The following FAM13A variants were observed in gnomAD, a reference collection of about 807,000 sequenced individuals.
FAM13A encodes the protein protein FAM13A.
Under a neutral mutation model 129.6 loss-of-function variants are expected in FAM13A, and 76 were observed. That is an observed-to-expected ratio of 0.59 (90% CI 0.49 to 0.71). The LOEUF (loss-of-function observed/expected upper bound fraction) is 0.71, where lower values mean the gene tolerates loss of function less well. Ranked by LOEUF, FAM13A falls within the 30% of genes least tolerant of loss-of-function variation. FAM13A has a pLI of 0.00. For synonymous variants in FAM13A, 443 were observed against 449.9 expected, an observed-to-expected ratio of 0.98 and a Z score of 0.20; for missense variants, 1,108 against 1,249.3, an observed-to-expected ratio of 0.89 and a Z score of 1.70.
chr4:89,042,220 T>C (rs1770241076), intron 1 of FAM13A, among the ~76,000 whole-genome samples: 1 of 152,002 alleles, frequency 6.6e-6, no homozygotes, highest in African/African-American at 2.4e-5. Context: ...CCAATAGCCA[T>C]GCTGTAATTA....
intron 1 of FAM13A, among the ~76,000 whole-genome samples, chr4:89,030,075 A>G (rs1768488159): frequency 6.6e-6 from 1 of 152,110 alleles, no homozygotes; most frequent in Non-Finnish European, 1.5e-5. Flanking sequence ...GCTTTAATTT[A>G]AAGTGTCAGA....
At chr4:88,744,994 G>A (rs916089284) in intron 19 of FAM13A, among the ~76,000 whole-genome samples, 3 of 152,160 alleles carry the variant, frequency 2.0e-5, no homozygotes, top group Non-Finnish European at 4.4e-5. Flanking sequence ...GCTATGAAAT[G>A]CACATTCTTT....
chr4:89,041,512 AC>A (rs769520226), intron 1 of FAM13A, among the ~76,000 whole-genome samples: 4 of 152,216 alleles, frequency 2.6e-5, no homozygotes, highest in Non-Finnish European at 5.9e-5. Flanking sequence ...CAATAATGGA[AC>A]ACTAGGCATA....
intron 4 of FAM13A, among the ~76,000 whole-genome samples, chr4:88,957,503 G>A (rs1252150856): frequency 6.6e-6 from 1 of 152,072 alleles, no homozygotes; most frequent in Admixed American, 6.5e-5. Context: ...ATAAATTACC[G>A]AGTCTCGGAT....
intron 8 of FAM13A, 143 bp downstream of exon 8, chr4:88,804,868 A>G: frequency 1.6e-6 from 1 of 626,450 alleles, no homozygotes; most frequent in Non-Finnish European, 2.9e-6. Flanking sequence ...GGGAAAATAC[A>G]GTAAGGTGAA....
At chr4:88,924,000 C>T (rs556194322) in intron 5 of FAM13A, among the ~76,000 whole-genome samples, 272 of 152,152 alleles carry the variant, frequency 1.8e-3, no homozygotes, top group African/African-American at 5.9e-3. Context: ...TTACAAAGGA[C>T]GTGAAGGACC....
At chr4:88,788,379 G>A (rs1165092114) in intron 9 of FAM13A, among the ~76,000 whole-genome samples, 6 of 152,066 alleles carry the variant, frequency 3.9e-5, no homozygotes, top group Non-Finnish European at 5.9e-5. Context: ...ATTTTATGAT[G>A]CCTATTATCT....
intron 1 of FAM13A, among the ~76,000 whole-genome samples, chr4:89,055,417 T>C (rs961321390): frequency 6.6e-5 from 10 of 152,300 alleles, no homozygotes; most frequent in African/African-American, 2.2e-4. Context: ...GTGATTTTTA[T>C]GTCAACTTTA....
intron 7 of FAM13A, among the ~76,000 whole-genome samples, chr4:88,831,241 A>T (rs1733841300): frequency 6.6e-6 from 1 of 152,186 alleles, no homozygotes; most frequent in African/African-American, 2.4e-5. Context: ...GAGTCCGGAT[A>T]ATAGTGTTTC....
At chr4:88,751,606 ATC>A (rs1742632992) in intron 14 of FAM13A, among the ~76,000 whole-genome samples, 1 of 50,258 alleles carries the variant, frequency 2.0e-5, no homozygotes, top group Admixed American at 3.4e-4. Context: ...AGTTTAGATA[ATC>A]TGTTAAAAAA....
chr4:88,858,411 T>C lies in FAM13A; in HGVS notation c.844-7228A>G, dbSNP rs527932006. On this transcript the variant is annotated intron_variant, in intron 6 of 23. Transcript: ENST00000264344. ...TTTAACAAATTTTCATTCTGTTACA[T>C]AAAATTTTGCAGTAAAACATTTCAT... is the stretch of plus-strand genomic sequence containing the variant. Among the ~76,000 whole-genome samples the C allele has an allele frequency of 5.0e-4, 76 of 152,348 alleles. 2 individuals are homozygous for C. In the South Asian group the frequency reaches 0.015, roughly 30 times the overall value.
In FAM13A at chr4:88,792,793, C is replaced by T. The variant is rs567128428; in HGVS notation, c.1050-2166G>A. Among the ~76,000 whole-genome samples, 3 of 152,162 alleles carry T rather than the reference C, an allele frequency of 2.0e-5. No individual in the cohort carries two copies. In the South Asian group the frequency reaches 6.2e-4, roughly 32 times the overall value. On this transcript the variant is annotated intron_variant, in intron 8 of 23. Transcript: ENST00000264344. ...AGAATGAAGACATGTATTTCCTCTC[C>T]TCCTTTCCACATCCTTTTGAACTGT...
chr4:88,749,160 C>T (rs533019815), intron 16 of FAM13A, 127 bp from the exon 17 acceptor site: 29 of 729,566 alleles, frequency 4.0e-5, no homozygotes, highest in South Asian at 9.1e-5. Flanking sequence ...AAATTAAACA[C>T]GACCAATCAG....
At chr4:88,838,922 TCTA>T (rs1192028494) in intron 7 of FAM13A, among the ~76,000 whole-genome samples, 2 of 152,172 alleles carry the variant, frequency 1.3e-5, no homozygotes, top group Admixed American at 1.3e-4. Context: ...TACACTTACT[TCTA>T]CTATTGTGAA....
intron 1 of FAM13A, among the ~76,000 whole-genome samples, chr4:89,047,185 C>T (rs1374929616): frequency 6.6e-6 from 1 of 152,126 alleles, no homozygotes; most frequent in Non-Finnish European, 1.5e-5. Flanking sequence ...CTATAAAACT[C>T]ATGTCAAGCA....
chr4:88,787,969 A>C, intron 9 of FAM13A, 37 bp from the exon 10 acceptor site: 1 of 1,555,380 alleles, frequency 6.4e-7, no homozygotes, highest in South Asian at 1.2e-5. Context: ...CAAGCAGTCA[A>C]GTTCATCAGT....
intron 3 of FAM13A, among the ~76,000 whole-genome samples, chr4:88,993,260 G>A (rs1163617350): frequency 6.6e-6 from 1 of 152,214 alleles, no homozygotes; most frequent in East Asian, 1.9e-4. Context: ...CATTTCTCAT[G>A]CCTTTATATT....
rs560904864 is a variant in FAM13A at position 88,794,595 on chromosome 4, G to T, written c.1050-3968C>A. 7.2e-5 allele frequency among the ~76,000 whole-genome samples: 11 copies of T among 151,926 alleles called. No homozygotes were observed. In the South Asian group the frequency reaches 2.3e-3, roughly 31 times the overall value. ...TTGAAAAGCATGTGTTCTCTTTTCT[G>T]TGCGTTGTCTTATTTCAGTATGTTC... On this transcript the variant is annotated intron_variant, in intron 8 of 23. Transcript: ENST00000264344.
intron 3 of FAM13A, among the ~76,000 whole-genome samples, chr4:88,992,176 A>G (rs1258810891): frequency 3.9e-5 from 6 of 152,178 alleles, no homozygotes; most frequent in African/African-American, 1.4e-4. Context: ...CAAAACCCCA[A>G]ATGCAGTAGT....
Sources: allele counts gnomAD v4.1 joint callset (sites outside exome capture counted in the v4.1 genomes callset), GRCh38; gene constraint gnomAD v4.1.1; transcripts MANE v1.5; gene names NCBI Gene and HGNC (gene_info 2026-07-23, HGNC 2026-07-21).